The following G3BP1 variants were observed in gnomAD, a reference collection of about 807,000 sequenced individuals.
G3BP1 encodes G3BP stress granule assembly factor 1.
Under a neutral mutation model 58.6 loss-of-function variants are expected in G3BP1, and 35 were observed. The ratio of observed to expected loss-of-function variants is 0.60; its 90% CI spans 0.46 to 0.79. The LOEUF (loss-of-function observed/expected upper bound fraction) is 0.79, where lower values mean the gene tolerates loss of function less well. Ranked by LOEUF, G3BP1 falls within the 30% of genes least tolerant of loss-of-function variation. G3BP1 has a pLI of 0.00. For synonymous variants in G3BP1, 191 were observed against 195.4 expected (o/e 0.98, Z 0.19); for missense variants, 523 against 580.8 (o/e 0.90, Z 1.02).
intron 4 of G3BP1, among the ~76,000 whole-genome samples, chr5:151,792,878 G>A (rs1762683910): frequency 1.3e-5 from 2 of 152,144 alleles, no homozygotes; most frequent in Admixed American, 6.5e-5. Context: ...GCTCTCCAAA[G>A]TGTTGGGATT....
At chr5:151,783,974 G>C (rs1762515887) in intron 1 of G3BP1, among the ~76,000 whole-genome samples, 1 of 152,158 alleles carries the variant, frequency 6.6e-6, no homozygotes, top group Non-Finnish European at 1.5e-5. Context: ...TGTTGGCCAG[G>C]ATGGTCTCGA....
intron 2 of G3BP1, 135 bp downstream of exon 2, chr5:151,786,850 A>AT: frequency 1.6e-6 from 1 of 609,880 alleles, no homozygotes. Flanking sequence ...ATATCCCCCA[A>AT]TTTTTTATTT....
In G3BP1 at chr5:151,804,179, C is replaced by G; in HGVS notation, c.*88C>G. 1 of 943,028 alleles carries G rather than the reference C, an allele frequency of 1.1e-6. No individual in the cohort carries two copies. Among genetic ancestry groups the G allele is most frequent in the Non-Finnish European group, 1.6e-6 (1 of 613,918 alleles). 58.4% of individuals were successfully genotyped at this position (943,028 alleles called of 1,614,324 possible). A position where few individuals can be genotyped will look rare whatever the true frequency, so the allele number is the denominator to read the frequency against. ...CAGCCTTTGGTATCTTGGAGTATGA[C>G]CCCAGTCTGTTATAAACTGCTTAAG... is the stretch of plus-strand genomic sequence containing the variant. On this transcript the variant is annotated 3_prime_UTR_variant, in exon 12 of 12. Transcript: ENST00000356245.
Position 151,810,566 on chromosome 5 carries a change from G to C in G3BP1, c.*6475G>C, listed in dbSNP as rs1301353865. ...TCGTAGTTCATAACTTACCCCTTCA[G>C]TCTAGAATTAGAATTACATTATCTG... On this transcript the variant is annotated 3_prime_UTR_variant, in exon 12 of 12. Coordinates refer to ENST00000356245, the MANE Select transcript of G3BP1 (RefSeq NM_005754.3). 6.6e-6 allele frequency: 1 copy of C among 152,098 alleles called. No individual in the cohort carries two copies. Among genetic ancestry groups the C allele is most frequent in the South Asian group, 2.1e-4 (1 of 4,826 alleles). The allele number at this position is 152,098 out of a possible 1,614,324, so 9.4% of individuals were successfully genotyped here. A position where few individuals can be genotyped will look rare whatever the true frequency, so the allele number is the denominator to read the frequency against.
At chr5:151,774,704 A>C (rs1341200729) in intron 1 of G3BP1, among the ~76,000 whole-genome samples, 1 of 151,212 alleles carries the variant, frequency 6.6e-6, no homozygotes, top group East Asian at 1.9e-4. Context: ...ATAATTGTGG[A>C]AGTAGGTAGG....
intron 5 of G3BP1, 129 bp downstream of exon 5, chr5:151,794,378 A>C: frequency 1.6e-6 from 1 of 616,944 alleles, no homozygotes; most frequent in South Asian, 2.0e-5. Context: ...TAATTATGGT[A>C]TATGAAGAGT....
chr5:151,775,838 T>A (rs1762360228), intron 1 of G3BP1, among the ~76,000 whole-genome samples: 1 of 152,244 alleles, frequency 6.6e-6, no homozygotes, highest in Admixed American at 6.5e-5. Flanking sequence ...TTAAGTATTC[T>A]GATTCCTGAA....
chr5:151,800,884 G>C lies in G3BP1; in HGVS notation c.1194+15G>C. ...TTAGCAACAGGGTAAGCAGCTTTTT[G>C]TCTTGATTTTTTTTTTTTTTTTTTA... On this transcript the variant is annotated intron_variant, in intron 11 of 11. Coordinates refer to ENST00000356245, the MANE Select transcript of G3BP1 (RefSeq NM_005754.3). 1 of 1,139,100 alleles carries C rather than the reference G, an allele frequency of 8.8e-7. No homozygotes were observed. The highest frequency in any genetic ancestry group is 1.2e-6 in the Non-Finnish European group (1 of 803,326). The allele number at this position is 1,139,100 out of a possible 1,614,324, so 70.6% of individuals were successfully genotyped here. A position where few individuals can be genotyped will look rare whatever the true frequency, so the allele number is the denominator to read the frequency against.
chr5:151,811,574 T>C lies in G3BP1; in HGVS notation c.*7483T>C, dbSNP rs1345411795. On this transcript the variant is annotated 3_prime_UTR_variant, in exon 12 of 12. Transcript: ENST00000356245. ...ATGGATGGTTCAATAAATATACTTT[T>C]ATATACATGTTTCACAGAAATTTTA... 3.9e-5 allele frequency: 6 copies of C among 152,212 alleles called. No individual in the cohort carries two copies. The East Asian group carries it at 1.2e-3, about 29-fold the overall frequency. 9.4% of individuals were successfully genotyped at this position (152,212 alleles called of 1,614,324 possible).
chr5:151,808,529 T>G lies in G3BP1; in HGVS notation c.*4438T>G, dbSNP rs887441532. 1 of 152,222 alleles carries G rather than the reference T, an allele frequency of 6.6e-6. No homozygotes were observed. Among genetic ancestry groups the G allele is most frequent in the Non-Finnish European group, 1.5e-5 (1 of 68,038 alleles). 9.4% of individuals were successfully genotyped at this position (152,222 alleles called of 1,614,324 possible). On this transcript the variant is annotated 3_prime_UTR_variant, in exon 12 of 12. Coordinates refer to ENST00000356245, the MANE Select transcript of G3BP1 (RefSeq NM_005754.3). ...TCGTCTTCTCTCCACAGTTTCTACTTGAACCTAGTAGCTTATTTTAATTCC... is the reference window on the plus strand; with the variant it reads ...TCGTCTTCTCTCCACAGTTTCTACTGGAACCTAGTAGCTTATTTTAATTCC...
chr5:151,783,261 C>G (rs1302507143), intron 1 of G3BP1, among the ~76,000 whole-genome samples: 1 of 152,082 alleles, frequency 6.6e-6, no homozygotes, highest in Admixed American at 6.6e-5. Flanking sequence ...GTTCACATTT[C>G]TCATAGCTTG....
At chr5:151,785,217 T>C (rs1762537540) in intron 1 of G3BP1, among the ~76,000 whole-genome samples, 1 of 152,226 alleles carries the variant, frequency 6.6e-6, no homozygotes, top group Admixed American at 6.5e-5. Context: ...TCAATACACA[T>C]GCCTGAAGGC....
chr5:151,790,436 A>C, intron 3 of G3BP1, 32 bp downstream of exon 3: 3 of 1,222,926 alleles, frequency 2.5e-6, no homozygotes, highest in Non-Finnish European at 3.5e-6. Flanking sequence ...TAGGCTGTTA[A>C]GCAGGTAGAA....
At chr5:151,799,505 G>A (rs575687320) in intron 8 of G3BP1, among the ~76,000 whole-genome samples, 192 bp downstream of exon 8, 29 of 152,264 alleles carry the variant, frequency 1.9e-4, no homozygotes, top group African/African-American at 4.1e-4. Flanking sequence ...GGGCAACATA[G>A]TGAGACCCTG....
chr5:151,782,849 CTTTTTT>C (rs796501774), intron 1 of G3BP1, among the ~76,000 whole-genome samples: 5 of 73,896 alleles, frequency 6.8e-5, no homozygotes, highest in African/African-American at 2.7e-4. Flanking sequence ...TGTGACTCAT[CTTTTTT>C]TTTTTTTTTT....
intron 7 of G3BP1, among the ~76,000 whole-genome samples, chr5:151,798,202 T>A (rs371259565): frequency 1.3e-5 from 2 of 152,170 alleles, no homozygotes; most frequent in Non-Finnish European, 2.9e-5. Flanking sequence ...TGGAAAAAAT[T>A]AGCTGGGCAT....
intron 2 of G3BP1, among the ~76,000 whole-genome samples, 175 bp from the exon 3 acceptor site, chr5:151,790,148 A>G (rs1762625259): frequency 1.3e-5 from 2 of 150,898 alleles, no homozygotes; most frequent in Admixed American, 1.3e-4. Flanking sequence ...ATCAAAGATC[A>G]TAGCCCCGGC....
chr5:151,783,826 G>A (rs555130119), intron 1 of G3BP1, among the ~76,000 whole-genome samples: 25 of 151,976 alleles, frequency 1.6e-4, no homozygotes, highest in African/African-American at 5.3e-4. Flanking sequence ...GCAGTAGTGC[G>A]ATCTCAGCTA....
chr5:151,797,459 T>G (rs761376769), intron 7 of G3BP1, 31 bp downstream of exon 7: 117 of 1,563,854 alleles, frequency 7.5e-5, no homozygotes, highest in Middle Eastern at 5.5e-4. Flanking sequence ...TTTATTCTAT[T>G]CCTAGTTATT....
Sources: allele counts gnomAD v4.1 joint callset (sites outside exome capture counted in the v4.1 genomes callset), GRCh38; gene constraint gnomAD v4.1.1; transcripts MANE v1.5; gene names NCBI Gene and HGNC (gene_info 2026-07-23, HGNC 2026-07-21).